The following ZBTB21 variants were observed in gnomAD, a reference collection of about 807,000 sequenced individuals.
ZBTB21 encodes the protein zinc finger and BTB domain-containing protein 21.
In ZBTB21, 10 loss-of-function variants were observed where a neutral mutation model predicts 39.8. The observed-to-expected ratio is 0.25, with a 90% CI of 0.16 to 0.43. ZBTB21 has a LOEUF of 0.43. Ranked by LOEUF, ZBTB21 falls within the 20% of genes least tolerant of loss-of-function variation. ZBTB21 has a pLI of 1.00. For missense variants in ZBTB21, 1,221 were observed against 1,296.3 expected (o/e 0.94, Z 0.89); for synonymous variants, 551 against 498.8 (o/e 1.10, Z -1.40).
At chr21:42,004,652 C>A (rs2065857568) in intron 1 of ZBTB21, among the ~76,000 whole-genome samples, 1 of 152,176 alleles carries the variant, frequency 6.6e-6, no homozygotes, top group South Asian at 2.1e-4. Flanking sequence ...TCTTTACATC[C>A]AGCATCAACC....
At chr21:41,996,674 T>C (rs1008177176) in intron 2 of ZBTB21, among the ~76,000 whole-genome samples, 32 of 152,168 alleles carry the variant, frequency 2.1e-4, no homozygotes, top group Admixed American at 2.1e-3. Flanking sequence ...GGTTTTGAAA[T>C]GTGAAGACAT....
At chr21:42,000,848 G>A (rs2065808741) in intron 2 of ZBTB21, among the ~76,000 whole-genome samples, 2 of 152,132 alleles carry the variant, frequency 1.3e-5, no homozygotes, top group South Asian at 4.1e-4. Flanking sequence ...TCCATTTAGA[G>A]CCATCACACC....
At chr21:42,006,104 T>C (rs1452922006) in intron 1 of ZBTB21, among the ~76,000 whole-genome samples, 1 of 152,248 alleles carries the variant, frequency 6.6e-6, no homozygotes, top group African/African-American at 2.4e-5. Flanking sequence ...CTATAAAATC[T>C]GGTTTCAAAT....
At chr21:42,000,261 G>C (rs1182447885) in intron 2 of ZBTB21, among the ~76,000 whole-genome samples, 1 of 152,178 alleles carries the variant, frequency 6.6e-6, no homozygotes, top group African/African-American at 2.4e-5. Context: ...TCCTACACGT[G>C]AGCAGCAACC....
At chr21:42,006,025 TA>T (rs2065874227) in intron 1 of ZBTB21, among the ~76,000 whole-genome samples, 1 of 152,200 alleles carries the variant, frequency 6.6e-6, no homozygotes, top group Non-Finnish European at 1.5e-5. Context: ...TGATCCTGTT[TA>T]AAAATAAAAT....
chr21:41,994,597 A>T (rs1425962901), intron 2 of ZBTB21, among the ~76,000 whole-genome samples: 1 of 152,114 alleles, frequency 6.6e-6, no homozygotes, highest in East Asian at 1.9e-4. Context: ...GTCTTGTGAG[A>T]CCCTTGTTTT....
rs2065604097 is a variant in ZBTB21 at position 41,988,225 on chromosome 21, A to G, written c.*2670T>C. The G allele has an allele frequency of 6.6e-6, 1 of 152,076 alleles. No individual in the cohort carries two copies. Among genetic ancestry groups the G allele is most frequent in the East Asian group, 1.9e-4 (1 of 5,206 alleles). The allele number at this position is 152,076 out of a possible 1,614,324, so 9.4% of individuals were successfully genotyped here. ...CTCCCACATAAACGATTCAGTATCAAGTTCTCAGATTAACAAAGAATATAT... is the reference window on the plus strand; with the variant it reads ...CTCCCACATAAACGATTCAGTATCAGGTTCTCAGATTAACAAAGAATATAT... On this transcript the variant is annotated 3_prime_UTR_variant, in exon 3 of 3. Transcript: ENST00000310826.
chr21:41,991,606 A>G lies in ZBTB21; in HGVS notation c.2490T>C (p.Pro830=). 3 of 1,614,218 alleles carry G rather than the reference A, an allele frequency of 1.9e-6. No individual in the cohort carries two copies. The highest frequency in any genetic ancestry group is 2.5e-6 in the Non-Finnish European group (3 of 1,180,040). ...CGATGTGGTTTACTTTGTTGGGCTC[A>G]GGCTGGGATTGGGGCCTTGAAGAAC... is the stretch of plus-strand genomic sequence containing the variant. ...VTGSSRPQSQ[P]EPNKVNHIVT... is the part of the protein sequence containing the mutation. Residue 830 remains proline, a synonymous_variant, in exon 3 of 3, where the codon CCT becomes CCC. Transcript: ENST00000310826. This position sits in a 1 kb window ranked among gnomAD's most constrained non-coding sequence, Gnocchi z 4.9.
intron 2 of ZBTB21, among the ~76,000 whole-genome samples, chr21:41,996,252 A>G (rs1258379986): frequency 6.6e-6 from 1 of 152,212 alleles, no homozygotes; most frequent in African/African-American, 2.4e-5. Context: ...CAGACACTCA[A>G]TGCCAGCCCA....
rs1295491383 is a variant in ZBTB21, at chr21:41,991,784, T to C, written c.2312A>G (p.Glu771Gly). Residue 771 changes from glutamate to glycine, a missense_variant, in exon 3 of 3, where the codon GAG becomes GGG. By Grantham distance (98) the Glu-to-Gly change is moderately conservative. This residue lies in a region of ZBTB21 where 523 missense variants were observed against 542.5 expected (regional missense o/e 0.96). Coordinates refer to ENST00000310826, the MANE Select transcript of ZBTB21 (RefSeq NM_001098402.2). The surrounding 1 kb of genome is among the most constrained non-coding windows in gnomAD (Gnocchi z 4.9). ...CTCGAGGCAGGTCAGCTTCTTATAC[T>C]CACACTTGCTCTCGTGTTCTTGCTT... ...ELKQEHESKC[E>G]YKKLTCLECM... is the part of the protein sequence containing the mutation. 6.2e-7 allele frequency: 1 copy of C among 1,614,226 alleles called. No individual in the cohort carries two copies. The highest frequency in any genetic ancestry group is 1.1e-5 in the South Asian group (1 of 91,084).
rs1569104767 is a variant in ZBTB21, at chr21:41,992,756, G to A, written c.1340C>T (p.Thr447Ile). ...TGCTGTTGTTGCCGCATCTCCCACA[G>A]TGACGCGGATGATGTCCGAGGGGTC... ...LSDPSDIIRV[T>I]VGDAATTAAA... Residue 447 changes from threonine to isoleucine, a missense_variant, in exon 3 of 3, where the codon ACT becomes ATT. By Grantham distance (89) the Thr-to-Ile change is moderately conservative. Coordinates refer to ENST00000310826, the MANE Select transcript of ZBTB21 (RefSeq NM_001098402.2). This position sits in a 1 kb window ranked among gnomAD's most constrained non-coding sequence, Gnocchi z 4.1. 1.2e-6 allele frequency: 2 copies of A among 1,614,160 alleles called. No individual in the cohort carries two copies. The highest frequency in any genetic ancestry group is 1.7e-6 in the Non-Finnish European group (2 of 1,180,036).
intron 2 of ZBTB21, among the ~76,000 whole-genome samples, chr21:41,999,874 T>C (rs2065797335): frequency 6.6e-6 from 1 of 152,138 alleles, no homozygotes; most frequent in Non-Finnish European, 1.5e-5. Flanking sequence ...GAACTTTATT[T>C]TTTACTATGG....
chr21:41,991,633 A>C lies in ZBTB21; in HGVS notation c.2463T>G (p.Thr821=). Residue 821 remains threonine (T), a synonymous_variant, in exon 3 of 3, where the codon ACT becomes ACG. Coordinates refer to ENST00000310826, the MANE Select transcript of ZBTB21 (RefSeq NM_001098402.2). The surrounding 1 kb of genome is among the most constrained non-coding windows in gnomAD (Gnocchi z 4.9). ...GCTGGGATTGGGGCCTTGAAGAACC[A>C]GTCACATCACCATTGTGGTCCAAAA... The part of the protein sequence containing the change: ...LPVLDHNGDV[T]GSSRPQSQPE... The C allele has an allele frequency of 1.2e-6, 2 of 1,614,094 alleles. No individual in the cohort carries two copies. The highest frequency in any genetic ancestry group is 1.7e-6 in the Non-Finnish European group (2 of 1,180,032).
At chr21:42,000,272 T>C (rs936683718) in intron 2 of ZBTB21, among the ~76,000 whole-genome samples, 1 of 152,228 alleles carries the variant, frequency 6.6e-6, no homozygotes, top group African/African-American at 2.4e-5. Flanking sequence ...AGCAGCAACC[T>C]GTTCATCAAT....
intron 1 of ZBTB21, among the ~76,000 whole-genome samples, chr21:42,007,411 G>A (rs1569116450): frequency 6.6e-6 from 1 of 152,124 alleles, no homozygotes; most frequent in Non-Finnish European, 1.5e-5. Context: ...TTCATACTCT[G>A]GTTACAATTC....
intron 1 of ZBTB21, among the ~76,000 whole-genome samples, chr21:42,004,348 T>A (rs979924457): frequency 6.6e-6 from 1 of 152,124 alleles, no homozygotes; most frequent in Non-Finnish European, 1.5e-5. Flanking sequence ...TCAATGCAAA[T>A]ACTTTCCTCT....
intron 1 of ZBTB21, 49 bp downstream of exon 1, chr21:42,010,203 C>A: frequency 2.5e-6 from 1 of 396,062 alleles, no homozygotes; most frequent in South Asian, 1.3e-4. Flanking sequence ...TGTAGCCTCC[C>A]AAGGAGCCCC....
At chr21:42,003,617 T>C (rs1057328369) in intron 1 of ZBTB21, among the ~76,000 whole-genome samples, 1 of 152,142 alleles carries the variant, frequency 6.6e-6, no homozygotes, top group Admixed American at 6.5e-5. Flanking sequence ...AGCAACGACA[T>C]GATGCACAAA....
rs1260139320 is a variant in ZBTB21, at chr21:41,990,212, G to A, written c.*683C>T. 1 of 152,482 alleles carries A rather than the reference G, an allele frequency of 6.6e-6. No homozygotes were observed. Among genetic ancestry groups the A allele is most frequent in the Non-Finnish European group, 1.5e-5 (1 of 68,006 alleles). The allele number at this position is 152,482 out of a possible 1,614,324, so 9.4% of individuals were successfully genotyped here. On this transcript the variant is annotated 3_prime_UTR_variant, in exon 3 of 3. Coordinates refer to ENST00000310826, the MANE Select transcript of ZBTB21 (RefSeq NM_001098402.2). ...TTCCATAAATTGTTTTCATTTCCCA[G>A]GTCTTCCTTAGAGTTTAACTATCAT... is the stretch of plus-strand genomic sequence containing the variant.
Sources: allele counts gnomAD v4.1 joint callset (sites outside exome capture counted in the v4.1 genomes callset), GRCh38; gene constraint gnomAD v4.1.1; regional missense constraint gnomAD v4.1.1; non-coding constraint Gnocchi (gnomAD v3.1); transcripts MANE v1.5; gene names NCBI Gene and HGNC (gene_info 2026-07-23, HGNC 2026-07-21).